GPR78: variants seen among roughly 807,000 people sequenced by gnomAD.
GPR78 encodes G protein-coupled receptor 78.
GPR78 carries 29 observed loss-of-function variants against 17.9 expected under a neutral mutation model. The observed-to-expected ratio is 1.62, with a 90% CI of 1.20 to 2.21. GPR78 has a LOEUF of 2.21. Among genes scored for constraint, GPR78 ranks in the 30% most tolerant of loss-of-function variants. The pLI is 0.00. For missense variants in GPR78, 649 were observed against 530.5 expected, an observed-to-expected ratio of 1.22 and a Z score of -2.19; for synonymous variants, 349 against 256.9, an observed-to-expected ratio of 1.36 and a Z score of -3.43.
Position 8,581,564 on chromosome 4 carries a change from G to C in GPR78, c.582G>C (p.Gln194His), listed in dbSNP as rs1226694083. 6 of 1,579,388 alleles carry C rather than the reference G, an allele frequency of 3.8e-6. No individual in the cohort carries two copies. The Admixed American group carries it at 5.2e-5, about 14-fold the overall frequency. The part of the protein sequence containing the change: ...PLAVLCLTSL[Q>H]VHRVARRHCQ... ...CGGTGCTCTGCCTCACCTCGCTCCA[G>C]GTGCACCGGGTGGCACGCAGACACT... The change falls in exon 1 of 3, where the codon CAG becomes CAC. Residue 194 changes from glutamine (Q) to histidine (H), a missense_variant. Coordinates refer to ENST00000382487, the MANE Select transcript of GPR78 (RefSeq NM_080819.5).
At chr4:8,583,811 A>T (rs922896165) in intron 2 of GPR78, among the ~76,000 whole-genome samples, 3 of 152,188 alleles carry the variant, frequency 2.0e-5, no homozygotes, top group Non-Finnish European at 4.4e-5. Flanking sequence ...CTTCAGAATC[A>T]GCACGTGGGA....
rs752766314 is a variant in GPR78, at chr4:8,587,088, G to A, written c.817G>A (p.Ala273Thr). 2 of 1,612,976 alleles carry A rather than the reference G, an allele frequency of 1.2e-6. No individual in the cohort carries two copies. Among genetic ancestry groups the A allele is most frequent in the Non-Finnish European group, 8.5e-7 (1 of 1,179,808 alleles). Residue 273 changes from alanine (A) to threonine (T), a missense_variant, in exon 3 of 3, where the codon GCC becomes ACC. Ala to Thr is a moderately conservative substitution (Grantham distance 58). Transcript: ENST00000382487. ...GCTCGTGCCCTTCGTCACCGTGAACGCCCAGTGGGGCATCCTCAGCAAGTG... is the reference window on the plus strand; with the variant it reads ...GCTCGTGCCCTTCGTCACCGTGAACACCCAGTGGGGCATCCTCAGCAAGTG... ...AELVPFVTVNAQWGILSKCLT... is the reference protein window; with the variant it reads ...AELVPFVTVNTQWGILSKCLT...
chr4:8,580,699 G>A lies in GPR78; in HGVS notation c.-284G>A, dbSNP rs545308443. The A allele has an allele frequency of 5.0e-5, 25 of 499,384 alleles. No individual in the cohort carries two copies. In the East Asian group the frequency reaches 7.5e-4, roughly 15 times the overall value. The allele number at this position is 499,384 out of a possible 1,614,324, so 30.9% of individuals were successfully genotyped here. On this transcript the variant is annotated 5_prime_UTR_variant, in exon 1 of 3. Coordinates refer to ENST00000382487, the MANE Select transcript of GPR78 (RefSeq NM_080819.5). ...GCTTCAGCCTCAGGACAGTCCTGCC[G>A]GGACGGTGAGCGCATTCAGCACCCT... is the stretch of plus-strand genomic sequence containing the variant.
rs369051587 is a variant in GPR78 at position 8,581,098 on chromosome 4, G to A, written c.116G>A (p.Arg39Gln). Residue 39 changes from arginine (R) to glutamine (Q), a missense_variant, in exon 1 of 3, where the codon CGA becomes CAA. Arg to Gln is a conservative substitution (Grantham distance 43). Coordinates refer to ENST00000382487, the MANE Select transcript of GPR78 (RefSeq NM_080819.5). ...GCCTACAGCGCTGAGCTCCGCACTC[G>A]AGCCTCAGGCGTCCTCCTGGTGAAT... Reference protein sequence around the residue: ...CCAYSAELRTRASGVLLVNLS... With the variant: ...CCAYSAELRTQASGVLLVNLS... The A allele has an allele frequency of 2.1e-5, 34 of 1,606,472 alleles. No individual in the cohort carries two copies. In the African/African-American group the frequency reaches 3.6e-4, roughly 17 times the overall value.
chr4:8,584,091 A>G (rs1209794450), intron 2 of GPR78, among the ~76,000 whole-genome samples: 1 of 152,208 alleles, frequency 6.6e-6, no homozygotes, highest in African/African-American at 2.4e-5. Context: ...GTGTATACAC[A>G]CATGCATGTG....
In GPR78 at chr4:8,589,121, T is replaced by G. The variant is rs950373041; in HGVS notation, c.*1758T>G. ...CCTGAGCTTAAGTGATCCTCCCACC[T>G]CAGCCTCCCAAAGTGCTGGGATTAC... On this transcript the variant is annotated 3_prime_UTR_variant, in exon 3 of 3. Transcript: ENST00000382487. Among the ~76,000 whole-genome samples, 1 of 151,956 alleles carries G rather than the reference T, an allele frequency of 6.6e-6. No individual in the cohort carries two copies. Among genetic ancestry groups the G allele is most frequent in the African/African-American group, 2.4e-5 (1 of 41,342 alleles).
chr4:8,583,261 C>T (rs116398660), intron 2 of GPR78, among the ~76,000 whole-genome samples: 460 of 152,324 alleles, frequency 3.0e-3, no homozygotes, highest in Admixed American at 5.0e-3. Flanking sequence ...TTGGTTACTA[C>T]CTTAGCTCCA....
intron 2 of GPR78, among the ~76,000 whole-genome samples, chr4:8,585,603 C>G (rs968948182): frequency 5.3e-5 from 8 of 152,316 alleles, no homozygotes; most frequent in Middle Eastern, 3.4e-3. Flanking sequence ...CGGACTATCA[C>G]TTACTGTAAC....
Position 8,582,628 on chromosome 4 carries a change from C to T in GPR78, c.766C>T (p.Pro256Ser), listed in dbSNP as rs558447540. The T allele has an allele frequency of 4.3e-6, 7 of 1,611,884 alleles. No homozygotes were observed. In the South Asian group the frequency reaches 6.6e-5, roughly 15 times the overall value. ...TGCGACCTTCCTCATCTGCTTTGCC[C>T]CGTATGTCATGACCAGGTGGGTCCT... ...AIATFLICFA[P>S]YVMTRLAELV... is the part of the protein sequence containing the mutation. The change falls in exon 2 of 3, where the codon CCG (proline) becomes TCG (serine). Residue 256 changes from proline (P) to serine (S), a missense_variant. By Grantham distance (74) the Pro-to-Ser change is moderately conservative. Coordinates refer to ENST00000382487, the MANE Select transcript of GPR78 (RefSeq NM_080819.5).
rs1713655293 is a variant in GPR78, at chr4:8,589,408, A to G, written c.*2045A>G. Among the ~76,000 whole-genome samples, 1 of 152,110 alleles carries G rather than the reference A, an allele frequency of 6.6e-6. No individual in the cohort carries two copies. Among genetic ancestry groups the G allele is most frequent in the Non-Finnish European group, 1.5e-5 (1 of 68,016 alleles). On this transcript the variant is annotated 3_prime_UTR_variant, in exon 3 of 3. Coordinates refer to ENST00000382487, the MANE Select transcript of GPR78 (RefSeq NM_080819.5). ...AGGTGGGCGTCATGCCCTGATTCAC[A>G]GAGGGCACAGGTGGGTGTCATGCCC... is the stretch of plus-strand genomic sequence containing the variant.
intron 1 of GPR78, 28 bp from the exon 2 acceptor site, chr4:8,582,503 T>C: frequency 6.6e-7 from 1 of 1,521,642 alleles, no homozygotes; most frequent in Non-Finnish European, 9.0e-7. Context: ...CCTGCCATCA[T>C]CCTGACCACT....
chr4:8,581,004 C>T lies in GPR78; in HGVS notation c.22C>T (p.Leu8=). 4 of 1,586,618 alleles carry T rather than the reference C, an allele frequency of 2.5e-6. No individual in the cohort carries two copies. Among genetic ancestry groups the T allele is most frequent in the Non-Finnish European group, 2.6e-6 (3 of 1,166,042 alleles). Residue 8 remains leucine, a synonymous_variant, in exon 1 of 3, where the codon CTG becomes TTG. Coordinates refer to ENST00000382487, the MANE Select transcript of GPR78 (RefSeq NM_080819.5). MGPGEAL[L]AGLLVMVLAV... ...CGCCATGGGCCCCGGCGAGGCGCTG[C>T]TGGCGGGTCTCCTGGTGATGGTACT...
Position 8,580,863 on chromosome 4 carries a change from C to T in GPR78, c.-120C>T, listed in dbSNP as rs1713245463. ...CGCTGCTCTGGACCTTGCTAGCCGG[C>T]TCTGCACCTCCCAGAAGCCGTGGGC... On this transcript the variant is annotated 5_prime_UTR_variant, in exon 1 of 3. Coordinates refer to ENST00000382487, the MANE Select transcript of GPR78 (RefSeq NM_080819.5). The T allele has an allele frequency of 1.0e-6, 1 of 984,098 alleles. No individual in the cohort carries two copies. The highest frequency in any genetic ancestry group is 2.9e-5 in the Admixed American group (1 of 34,604). 61.0% of individuals were successfully genotyped at this position (984,098 alleles called of 1,614,324 possible).
In GPR78 at chr4:8,580,644, TCGCCCCTACGCCCCG is replaced by T. The variant is rs1713230689; in HGVS notation, c.-331_-317del. 2 of 401,876 alleles carry T rather than the reference TCGCCCCTACGCCCCG, an allele frequency of 5.0e-6. No homozygotes were observed. The highest frequency in any genetic ancestry group is 4.4e-5 in the Admixed American group (1 of 22,650). 24.9% of individuals were successfully genotyped at this position (401,876 alleles called of 1,614,324 possible). A position where few individuals can be genotyped will look rare whatever the true frequency, so the allele number is the denominator to read the frequency against. ...TACAGTGTTAGGAAAGAGACCTCCC[TCGCCCCTACGCCCCG>T]CGCCCCTGCGCCTCGCTTCAGCCTC... On this transcript the variant is annotated 5_prime_UTR_variant, in exon 1 of 3. Transcript: ENST00000382487.
In GPR78 at chr4:8,581,669, C is replaced by A; in HGVS notation, c.668+19C>A. The stretch of plus-strand genomic sequence containing the variant: ...ACCCCAGGTATTGGCCCAGTGCATG[C>A]CGACAGGCCCAGGCCAGGGACTTGG... On this transcript the variant is annotated intron_variant, in intron 1 of 2. Coordinates refer to ENST00000382487, the MANE Select transcript of GPR78 (RefSeq NM_080819.5). 1 of 1,432,780 alleles carries A rather than the reference C, an allele frequency of 7.0e-7. No individual in the cohort carries two copies. Among genetic ancestry groups the A allele is most frequent in the South Asian group, 1.5e-5 (1 of 66,292 alleles). The allele number at this position is 1,432,780 out of a possible 1,614,324, so 88.8% of individuals were successfully genotyped here.
Position 8,581,242 on chromosome 4 carries a change from C to T in GPR78, c.260C>T (p.Thr87Ile), listed in dbSNP as rs1168493809. ...GACQVIGFLD[T>I]FLASNAALSV... ...TGCCAAGTCATTGGCTTCCTGGACA[C>T]CTTCCTGGCGTCCAACGCGGCGCTG... The change falls in exon 1 of 3, where the codon ACC becomes ATC. Residue 87 changes from threonine to isoleucine, a missense_variant. Coordinates refer to ENST00000382487, the MANE Select transcript of GPR78 (RefSeq NM_080819.5). 6.3e-6 allele frequency: 10 copies of T among 1,594,732 alleles called. No homozygotes were observed. Among genetic ancestry groups the T allele is most frequent in the Non-Finnish European group, 8.5e-6 (10 of 1,175,496 alleles).
Position 8,588,222 on chromosome 4 carries a change from C to T in GPR78, c.*859C>T, listed in dbSNP as rs890064888. Among the ~76,000 whole-genome samples, 3 of 152,220 alleles carry T rather than the reference C, an allele frequency of 2.0e-5. No individual in the cohort carries two copies. The highest frequency in any genetic ancestry group is 2.9e-5 in the Non-Finnish European group (2 of 68,036). On this transcript the variant is annotated 3_prime_UTR_variant, in exon 3 of 3. Coordinates refer to ENST00000382487, the MANE Select transcript of GPR78 (RefSeq NM_080819.5). ...AAGAGATTGAAGTAGTAGCCAGGGCCCAGGTGTCCAGAGAGGGTGGCCTGG... is the reference window on the plus strand; with the variant it reads ...AAGAGATTGAAGTAGTAGCCAGGGCTCAGGTGTCCAGAGAGGGTGGCCTGG...
chr4:8,583,320 A>G (rs180888112), intron 2 of GPR78, among the ~76,000 whole-genome samples: 29 of 152,194 alleles, frequency 1.9e-4, no homozygotes, highest in African/African-American at 6.7e-4. Flanking sequence ...CCGTGGTTAG[A>G]GGGAGGCAGG....
At chr4:8,583,358 C>T (rs1407398246) in intron 2 of GPR78, among the ~76,000 whole-genome samples, 1 of 144,602 alleles carries the variant, frequency 6.9e-6, no homozygotes, top group African/African-American at 2.6e-5. Context: ...TGACTGCTTG[C>T]TATTACGTTT....
Sources: gnomAD v4.1 joint callset for allele counts (sites outside exome capture counted in the v4.1 genomes callset) on GRCh38, gnomAD v4.1.1 for gene constraint, MANE v1.5 for transcripts, NCBI Gene and HGNC (gene_info 2026-07-23, HGNC 2026-07-21) for gene names.